Variants in CD302 observed in about 807,000 individuals in gnomAD.
The protein encoded by CD302 is CD302 molecule, also known as CD302 antigen.
A neutral mutation model predicts 26.5 loss-of-function variants in CD302; 23 were observed. That is an observed-to-expected ratio of 0.87 (90% CI 0.62 to 1.23). The LOEUF (loss-of-function observed/expected upper bound fraction) is 1.23, where lower values mean the gene tolerates loss of function less well. Among genes scored for constraint, CD302 ranks in the 50% most tolerant of loss-of-function variants. The pLI, the probability that CD302 is intolerant of heterozygous loss-of-function variation, is 0.00. For missense variants in CD302, 290 were observed against 275.5 expected (o/e 1.05, Z -0.37); for synonymous variants, 90 against 99.4 (o/e 0.91, Z 0.56).
chr2:159,794,269 CAATAA>C (rs746352509), intron 1 of CD302, among the ~76,000 whole-genome samples: 18 of 108,420 alleles, frequency 1.7e-4, no homozygotes, highest in African/African-American at 2.5e-4. Context: ...TGTCTCAAAA[CAATAA>C]AATAAAATAA....
At chr2:159,779,255 A>C (rs951887232) in intron 4 of CD302, among the ~76,000 whole-genome samples, 17 of 143,508 alleles carry the variant, frequency 1.2e-4, no homozygotes, top group Non-Finnish European at 2.5e-4. Flanking sequence ...AAAAAAAAAA[A>C]ACCTTCTGAC....
At chr2:159,779,377 C>T (rs115666165) in intron 4 of CD302, among the ~76,000 whole-genome samples, 4,142 of 151,486 alleles carry the variant, frequency 0.027, 99 homozygotes, top group Non-Finnish European at 0.046. Context: ...TAAAGTAACA[C>T]GAGAATTCTG....
At chr2:159,795,701 T>TG (rs1187386939) in intron 1 of CD302, among the ~76,000 whole-genome samples, 2 of 152,156 alleles carry the variant, frequency 1.3e-5, no homozygotes, top group African/African-American at 4.8e-5. Flanking sequence ...CCAGAGGTGT[T>TG]GGAGTACCCA....
intron 5 of CD302, among the ~76,000 whole-genome samples, chr2:159,777,263 TA>T (rs1560042617): frequency 6.6e-6 from 1 of 152,136 alleles, no homozygotes; most frequent in African/African-American, 2.4e-5. Context: ...TACAAATAAA[TA>T]ATCATCTGAA....
chr2:159,796,762 T>A (rs1018914582), intron 1 of CD302, among the ~76,000 whole-genome samples: 1 of 152,228 alleles, frequency 6.6e-6, no homozygotes, highest in Admixed American at 6.5e-5. Context: ...CAAAACAGCT[T>A]CACTGAAGAA....
At position 159,793,421 on chromosome 2, in the gene CD302, T is replaced by C. The variant is rs188438299; in HGVS notation, c.67+4711A>G. On this transcript the variant is annotated intron_variant, in intron 1 of 5. Coordinates refer to ENST00000259053, the MANE Select transcript of CD302 (RefSeq NM_014880.5). ...TGTTCCTTTATAAGTTCTCTGTCTC[T>C]CTTTTTTTTAAAAAAAGAAAAAAAA... Among the ~76,000 whole-genome samples the C allele has an allele frequency of 1.4e-4, 22 of 151,910 alleles. No individual in the cohort carries two copies. The South Asian group carries it at 2.5e-3, about 17-fold the overall frequency.
At position 159,770,886 on chromosome 2, in the gene CD302, AT is replaced by A; in HGVS notation, c.*964del. 6.6e-6 allele frequency: 1 copy of A among 152,146 alleles called. No individual in the cohort carries two copies. The highest frequency in any genetic ancestry group is 1.5e-5 in the Non-Finnish European group (1 of 68,004). The allele number at this position is 152,146 out of a possible 1,614,324, so 9.4% of individuals were successfully genotyped here. A position where few individuals can be genotyped will look rare whatever the true frequency, so the allele number is the denominator to read the frequency against. On this transcript the variant is annotated 3_prime_UTR_variant, in exon 6 of 6. Transcript: ENST00000259053. ...TGACTAATTTACGTGAAATTTATAC[AT>A]TCTTTATCTTTCCTGTTTTTGGTTT... is the stretch of plus-strand genomic sequence containing the variant.
intron 5 of CD302, among the ~76,000 whole-genome samples, chr2:159,776,275 G>T (rs904144447): frequency 6.6e-6 from 1 of 150,936 alleles, no homozygotes; most frequent in Non-Finnish European, 1.5e-5. Context: ...ATTACATTTT[G>T]TTTATCCCTT....
At position 159,771,380 on chromosome 2, in the gene CD302, CAT is replaced by C. The variant is rs1252996914; in HGVS notation, c.*469_*470del. Reference sequence around the variant, plus strand: ...GTTGTAAAATTTTCTTCATCTAAATCATAAAAAGATACACATTCTAGAGGAAT... The same window carrying C: ...GTTGTAAAATTTTCTTCATCTAAATCAAAAAGATACACATTCTAGAGGAAT... On this transcript the variant is annotated 3_prime_UTR_variant, in exon 6 of 6. Coordinates refer to ENST00000259053, the MANE Select transcript of CD302 (RefSeq NM_014880.5). 1.3e-5 allele frequency: 2 copies of C among 152,614 alleles called. No individual in the cohort carries two copies. The highest frequency in any genetic ancestry group is 1.9e-4 in the East Asian group (1 of 5,212). 9.5% of individuals were successfully genotyped at this position (152,614 alleles called of 1,614,324 possible). A position where few individuals can be genotyped will look rare whatever the true frequency, so the allele number is the denominator to read the frequency against.
At chr2:159,776,907 T>A (rs982041399) in intron 5 of CD302, among the ~76,000 whole-genome samples, 6 of 152,028 alleles carry the variant, frequency 3.9e-5, no homozygotes, top group East Asian at 1.9e-4. Flanking sequence ...ATATCCAAAT[T>A]TAAAGAAACA....
chr2:159,777,040 T>G (rs1356624714), intron 5 of CD302, among the ~76,000 whole-genome samples: 1 of 151,714 alleles, frequency 6.6e-6, no homozygotes, highest in African/African-American at 2.4e-5. Flanking sequence ...GTGGATCCTT[T>G]GAACCCAGGA....
At chr2:159,795,349 T>G (rs147648050) in intron 1 of CD302, among the ~76,000 whole-genome samples, 342 of 152,314 alleles carry the variant, frequency 2.2e-3, no homozygotes, top group African/African-American at 7.9e-3. Context: ...GCAATCCACT[T>G]ATCCTACCTA....
At chr2:159,776,491 G>C (rs1160197223) in intron 5 of CD302, among the ~76,000 whole-genome samples, 1 of 151,808 alleles carries the variant, frequency 6.6e-6, no homozygotes, top group Admixed American at 6.6e-5. Context: ...GTTTTTCACA[G>C]AGGCTGCACC....
chr2:159,785,881 C>T (rs1351973316), intron 1 of CD302, among the ~76,000 whole-genome samples: 2 of 152,074 alleles, frequency 1.3e-5, no homozygotes, highest in East Asian at 1.9e-4. Flanking sequence ...AGCAGGAACA[C>T]GGCTTTAACG....
rs549026600 is a variant in CD302, at chr2:159,782,951, CT to C, written c.178+407del. Among the ~76,000 whole-genome samples, 274 of 152,270 alleles carry C rather than the reference CT, an allele frequency of 1.8e-3. 1 individual carries two copies. The highest frequency in any genetic ancestry group is 3.1e-3 in the Admixed American group (47 of 15,292). ...ACTCTAAGCCTAAAATCCAACAGATCTGGGTTAAAATCCTGGCTTTGTCAAT... is the reference window on the plus strand; with the variant it reads ...ACTCTAAGCCTAAAATCCAACAGATCGGGTTAAAATCCTGGCTTTGTCAAT... On this transcript the variant is annotated intron_variant, in intron 2 of 5. Coordinates refer to ENST00000259053, the MANE Select transcript of CD302 (RefSeq NM_014880.5).
At chr2:159,792,867 C>T (rs935253208) in intron 1 of CD302, among the ~76,000 whole-genome samples, 1 of 152,178 alleles carries the variant, frequency 6.6e-6, no homozygotes, top group African/African-American at 2.4e-5. Flanking sequence ...GTTAATTCAA[C>T]ATGGAACCCC....
At chr2:159,776,012 C>CT (rs71406197) in intron 5 of CD302, among the ~76,000 whole-genome samples, 7,807 of 81,334 alleles carry the variant, frequency 0.096, 878 homozygotes, top group Middle Eastern at 0.16. Context: ...CGGGTTTCAA[C>CT]TTTTTTTTTT....
At chr2:159,783,542 T>C in intron 1 of CD302, 73 bp from the exon 2 acceptor site, 2 of 1,153,436 alleles carry the variant, frequency 1.7e-6, no homozygotes, top group Non-Finnish European at 1.2e-6. Context: ...AAGATAAGGA[T>C]ATTAGATACT....
rs954986116 is a variant in CD302 at position 159,769,082 on chromosome 2, G to A, written c.*2769C>T. On this transcript the variant is annotated 3_prime_UTR_variant, in exon 6 of 6. Transcript: ENST00000259053. ...TGACGGTAGAGGAATAAGAGAAAAG[G>A]CTTTCATTGGTTATCAGTTTTAAAT... The A allele has an allele frequency of 1.5e-4, 23 of 152,130 alleles. No homozygotes were observed. Among genetic ancestry groups the A allele is most frequent in the African/African-American group, 4.3e-4 (18 of 41,426 alleles). 9.4% of individuals were successfully genotyped at this position (152,130 alleles called of 1,614,324 possible).
Sources: gnomAD v4.1 joint callset for allele counts (sites outside exome capture counted in the v4.1 genomes callset) on GRCh38, gnomAD v4.1.1 for gene constraint, MANE v1.5 for transcripts, NCBI Gene and HGNC (gene_info 2026-07-23, HGNC 2026-07-21) for gene names.